The following SLC2A3 variants were observed in gnomAD, a reference collection of about 807,000 sequenced individuals.
SLC2A3 encodes the protein solute carrier family 2, facilitated glucose transporter member 3.
Under a neutral mutation model 46.4 loss-of-function variants are expected in SLC2A3, and 21 were observed. The ratio of observed to expected loss-of-function variants is 0.45; its 90% confidence interval spans 0.32 to 0.65. The LOEUF (loss-of-function observed/expected upper bound fraction) is 0.65. Ranked by LOEUF, SLC2A3 falls within the 30% of genes least tolerant of loss-of-function variation. SLC2A3 has a pLI of 0.04. For synonymous variants in SLC2A3, 213 were observed against 239.4 expected, an observed-to-expected ratio of 0.89 and a Z score of 1.02; for missense variants, 499 against 623.3, an observed-to-expected ratio of 0.80 and a Z score of 2.12.
chr12:7,932,393 G>T (rs1446616279), intron 3 of SLC2A3, among the ~76,000 whole-genome samples: 1 of 152,034 alleles, frequency 6.6e-6, no homozygotes, highest in African/African-American at 2.4e-5. Context: ...GGCCAGGCTG[G>T]TCTCGAACTC....
chr12:7,933,844 C>A lies in SLC2A3; in HGVS notation c.74G>T (p.Gly25Val). The A allele has an allele frequency of 6.2e-7, 1 of 1,613,966 alleles. No individual in the cohort carries two copies. The highest frequency in any genetic ancestry group is 1.7e-5 in the Admixed American group (1 of 59,988). The change falls in exon 2 of 10, where the codon GGC (glycine) becomes GTC (valine). Residue 25 changes from glycine (G) to valine (V), a missense_variant. Physicochemically the swap from Gly to Val is moderately radical, Grantham distance 109. Transcript: ENST00000075120. ...TVATIGSFQF[G>V]YNTGVINAPE... ...AGCATTGATGACCCCAGTGTTGTAG[C>A]CAAATTGGAAAGAGCCGATTGTAGC...
At chr12:7,928,137 C>T (rs1006340401) in intron 6 of SLC2A3, among the ~76,000 whole-genome samples, 5 of 151,364 alleles carry the variant, frequency 3.3e-5, no homozygotes, top group East Asian at 2.0e-4. Context: ...CAGTGGCTCA[C>T]GCCTATAATC....
At chr12:7,931,870 T>A (rs949822632) in intron 3 of SLC2A3, among the ~76,000 whole-genome samples, 1 of 140,224 alleles carries the variant, frequency 7.1e-6, no homozygotes, top group Non-Finnish European at 1.5e-5. Context: ...TTCTAGAATA[T>A]CTAATTGGCA....
intron 5 of SLC2A3, 105 bp downstream of exon 5, chr12:7,930,373 TTC>T: frequency 8.3e-7 from 1 of 1,205,096 alleles, no homozygotes; most frequent in Non-Finnish European, 1.2e-6. Context: ...CTCACTTGGA[TTC>T]TGAGAGGCAG....
At position 7,930,587 on chromosome 12, in the gene SLC2A3, C is replaced by T. The variant is rs1217443129; in HGVS notation, c.566G>A (p.Gly189Asp). 2 of 1,613,780 alleles carry T rather than the reference C, an allele frequency of 1.2e-6. No homozygotes were observed. Among genetic ancestry groups the T allele is most frequent in the Non-Finnish European group, 1.7e-6 (2 of 1,179,912 alleles). Residue 189 changes from glycine to aspartate, a missense_variant, in exon 5 of 10, where the codon GGT becomes GAT. Gly to Asp is a moderately conservative substitution (Grantham distance 94). Transcript: ENST00000075120. The stretch of plus-strand genomic sequence containing the variant: ...TAGGATAGCAGGAAGGATGGTAAAA[C>T]CCAGTAGCAGCGGCCATAGCTCTTC... The part of the protein sequence containing the change: ...GSEELWPLLL[G>D]FTILPAILQS...
At chr12:7,921,743 T>C in intron 9 of SLC2A3, 112 bp from the exon 10 acceptor site, 1 of 1,189,880 alleles carries the variant, frequency 8.4e-7, no homozygotes, top group Non-Finnish European at 1.2e-6. Flanking sequence ...CCCTTCCATA[T>C]TTAATGAAAA....
At chr12:7,929,030 G>A (rs1303497638) in intron 6 of SLC2A3, among the ~76,000 whole-genome samples, 1 of 151,764 alleles carries the variant, frequency 6.6e-6, no homozygotes, top group African/African-American at 2.4e-5. Context: ...CAAATATCCT[G>A]GTGTGCTAGG....
rs2121195412 is a variant in SLC2A3, at chr12:7,930,588, C to A, written c.565G>T (p.Gly189Cys). The A allele has an allele frequency of 6.2e-7, 1 of 1,613,866 alleles. No individual in the cohort carries two copies. Among genetic ancestry groups the A allele is most frequent in the East Asian group, 2.2e-5 (1 of 44,884 alleles). Reference protein sequence around the residue: ...GSEELWPLLLGFTILPAILQS... With the variant: ...GSEELWPLLLCFTILPAILQS... ...AGGATAGCAGGAAGGATGGTAAAAC[C>A]CAGTAGCAGCGGCCATAGCTCTTCA... The change falls in exon 5 of 10, where the codon GGT becomes TGT. Residue 189 changes from glycine to cysteine, a missense_variant. Physicochemically the swap from Gly to Cys is radical, Grantham distance 159 (BLOSUM62 -3). Transcript: ENST00000075120.
intron 8 of SLC2A3, 81 bp from the exon 9 acceptor site, chr12:7,923,105 A>G: frequency 7.7e-7 from 1 of 1,305,004 alleles, no homozygotes; most frequent in East Asian, 2.5e-5. Context: ...AATTAACGGC[A>G]AGCTCCTCCT....
At chr12:7,926,227 A>G (rs1406294863) in intron 6 of SLC2A3, among the ~76,000 whole-genome samples, 1 of 151,970 alleles carries the variant, frequency 6.6e-6, no homozygotes, top group East Asian at 1.9e-4. Flanking sequence ...GAGTAGCTGG[A>G]CTACAGGTGC....
At chr12:7,934,060 AAT>A (rs1339476923) in intron 1 of SLC2A3, among the ~76,000 whole-genome samples, 158 bp from the exon 2 acceptor site, 1 of 152,160 alleles carries the variant, frequency 6.6e-6, no homozygotes, top group African/African-American at 2.4e-5. Context: ...AAGACAAAGG[AAT>A]AGATTATACT....
At chr12:7,927,798 G>T (rs1425789466) in intron 6 of SLC2A3, among the ~76,000 whole-genome samples, 3 of 152,118 alleles carry the variant, frequency 2.0e-5, no homozygotes, top group African/African-American at 7.2e-5. Flanking sequence ...TAATGTACAT[G>T]CCGGGCGAGG....
intron 8 of SLC2A3, 150 bp downstream of exon 8, chr12:7,924,260 C>A: frequency 2.2e-6 from 3 of 1,373,366 alleles, no homozygotes; most frequent in Non-Finnish European, 3.0e-6. Context: ...TCTCTGACGA[C>A]CCATGTTTCT....
At chr12:7,921,772 C>T in intron 9 of SLC2A3, 141 bp from the exon 10 acceptor site, 2 of 951,684 alleles carry the variant, frequency 2.1e-6, no homozygotes, top group East Asian at 2.6e-5. Flanking sequence ...TTCAGATTCG[C>T]TTATGATTCC....
Position 7,929,745 on chromosome 12 carries a change from C to T in SLC2A3, c.800G>A (p.Arg267Gln), listed in dbSNP as rs757430932. 4.9e-5 allele frequency: 79 copies of T among 1,613,380 alleles called. No homozygotes were observed. The highest frequency in any genetic ancestry group is 6.4e-5 in the Non-Finnish European group (75 of 1,179,638). Residue 267 changes from arginine to glutamine, a missense_variant, in exon 6 of 10, where the codon CGA becomes CAA. Physicochemically the swap from Arg to Gln is conservative, Grantham distance 43. Coordinates refer to ENST00000075120, the MANE Select transcript of SLC2A3 (RefSeq NM_006931.3). ...VLELFRVSSY[R>Q]QPIIISIVLQ... Reference sequence around the variant, plus strand: ...CACAATGGAAATGATGATGGGCTGTCGGTAGCTGGACACTCTAAAGAGCTC... The same window carrying T: ...CACAATGGAAATGATGATGGGCTGTTGGTAGCTGGACACTCTAAAGAGCTC...
chr12:7,926,408 A>G (rs1197633654), intron 6 of SLC2A3, among the ~76,000 whole-genome samples: 1 of 152,066 alleles, frequency 6.6e-6, no homozygotes, highest in Non-Finnish European at 1.5e-5. Context: ...CTCTCTCTAA[A>G]TGTTCTTAAT....
intron 3 of SLC2A3, among the ~76,000 whole-genome samples, chr12:7,932,398 G>C (rs910401940): frequency 4.6e-5 from 7 of 152,000 alleles, no homozygotes; most frequent in African/African-American, 1.7e-4. Flanking sequence ...GGCTGGTCTC[G>C]AACTCCTGAC....
In SLC2A3 at chr12:7,933,857, A is replaced by C; in HGVS notation, c.61T>G (p.Ser21Ala). The C allele has an allele frequency of 1.2e-6, 2 of 1,614,090 alleles. No homozygotes were observed. Among genetic ancestry groups the C allele is most frequent in the African/African-American group, 2.7e-5 (2 of 75,034 alleles). ...IFAITVATIG[S>A]FQFGYNTGVI... ...CCAGTGTTGTAGCCAAATTGGAAAG[A>C]GCCGATTGTAGCAACTGTGATGGCA... Residue 21 changes from serine (S) to alanine (A), a missense_variant, in exon 2 of 10, where the codon TCT becomes GCT. Ser to Ala is a moderately conservative substitution (Grantham distance 99). Transcript: ENST00000075120.
intron 2 of SLC2A3, chr12:7,933,408 T>C (rs746045591): frequency 9.1e-6 from 5 of 548,700 alleles, no homozygotes; most frequent in Non-Finnish European, 1.6e-5. Flanking sequence ...TCTTTGTAAC[T>C]AACCCCTAAG....
Sources: gnomAD v4.1 joint callset for allele counts (sites outside exome capture counted in the v4.1 genomes callset) on GRCh38, gnomAD v4.1.1 for gene constraint, MANE v1.5 for transcripts, NCBI Gene and HGNC (gene_info 2026-07-23, HGNC 2026-07-21) for gene names.